Variants in SLC44A1 observed in about 807,000 individuals in gnomAD.
SLC44A1 encodes the protein solute carrier family 44 member 1, also known as choline transporter-like protein 1.
Under a neutral mutation model 79.3 loss-of-function variants are expected in SLC44A1, and 26 were observed. The observed-to-expected ratio is 0.33, with a 90% confidence interval of 0.24 to 0.46. The LOEUF (loss-of-function observed/expected upper bound fraction) is 0.46, where lower values mean the gene tolerates loss of function less well. Among genes scored for constraint, SLC44A1 ranks in the 20% least tolerant of loss-of-function variants. The pLI is 1.00. For missense variants in SLC44A1, 688 were observed against 798.1 expected, an observed-to-expected ratio of 0.86 and a Z score of 1.66; for synonymous variants, 263 against 286.2, an observed-to-expected ratio of 0.92 and a Z score of 0.82.
At chr9:105,280,600 T>C (rs1318600285) in intron 1 of SLC44A1, among the ~76,000 whole-genome samples, 2 of 152,188 alleles carry the variant, frequency 1.3e-5, no homozygotes, top group Admixed American at 1.3e-4. Context: ...CAGGTATTAA[T>C]AGAAGAAAAC....
rs1468458059 is a variant in SLC44A1, at chr9:105,351,638, GAAAGAA to G, written c.500+3189_500+3194del. Among the ~76,000 whole-genome samples, 39 of 141,764 alleles carry G rather than the reference GAAAGAA, an allele frequency of 2.8e-4. 1 individual carries two copies. Among genetic ancestry groups the G allele is most frequent in the African/African-American group, 1.1e-3 (39 of 35,818 alleles). 93.0% of individuals were successfully genotyped at this position (141,764 alleles called of 152,430 possible). ...AGAAAGAAAGAGAGAGAAAGAGAAA[GAAAGAA>G]AGAAAGAAAGAAAGAAAGAAAGAAA... On this transcript the variant is annotated intron_variant, in intron 5 of 15. Transcript: ENST00000374720.
At chr9:105,295,402 A>C (rs1481979909) in intron 1 of SLC44A1, among the ~76,000 whole-genome samples, 1 of 152,232 alleles carries the variant, frequency 6.6e-6, no homozygotes, top group African/African-American at 2.4e-5. Context: ...GGAATCTGAG[A>C]AAGGGGTAAA....
chr9:105,324,903 G>A lies in SLC44A1; in HGVS notation c.270-10660G>A, dbSNP rs186801667. On this transcript the variant is annotated intron_variant, in intron 3 of 15. Coordinates refer to ENST00000374720, the MANE Select transcript of SLC44A1 (RefSeq NM_080546.5). ...TGGAGCCCTCATACGTTGCTGCTGGGAATGTAAAATATGATAGCTGCTCTT... is the reference window on the plus strand; with the variant it reads ...TGGAGCCCTCATACGTTGCTGCTGGAAATGTAAAATATGATAGCTGCTCTT... Among the ~76,000 whole-genome samples the A allele has an allele frequency of 7.9e-5, 12 of 152,314 alleles. No homozygotes were observed. In the East Asian group the frequency reaches 1.7e-3, roughly 22 times the overall value.
At chr9:105,277,347 T>C (rs1347195637) in intron 1 of SLC44A1, among the ~76,000 whole-genome samples, 1 of 152,238 alleles carries the variant, frequency 6.6e-6, no homozygotes, top group South Asian at 2.1e-4. Context: ...CTCTCTTTAC[T>C]GCAGTTACTC....
At position 105,303,527 on chromosome 9, in the gene SLC44A1, C is replaced by T. The variant is rs532919060; in HGVS notation, c.126+4218C>T. ...TGCTTACTATGAGCTAGACACTGTT[C>T]TTAGCACTTGACATATAGAAACTCA... On this transcript the variant is annotated intron_variant, in intron 2 of 15. Coordinates refer to ENST00000374720, the MANE Select transcript of SLC44A1 (RefSeq NM_080546.5). Among the ~76,000 whole-genome samples, 6 of 152,292 alleles carry T rather than the reference C, an allele frequency of 3.9e-5. No homozygotes were observed. In the South Asian group the frequency reaches 1.2e-3, roughly 32 times the overall value.
chr9:105,375,008 A>T (rs1038382670), intron 13 of SLC44A1, among the ~76,000 whole-genome samples: 1 of 152,078 alleles, frequency 6.6e-6, no homozygotes, highest in Non-Finnish European at 1.5e-5. Flanking sequence ...TCATGTGCCT[A>T]TGTTTCTCTT....
downstream of SLC44A1, among the ~76,000 whole-genome samples, chr9:105,400,993 A>C (rs147397213): frequency 0.013 from 2,037 of 152,316 alleles, 18 homozygotes; most frequent in Non-Finnish European, 0.022. Flanking sequence ...CCTTGTTAGC[A>C]CAACCTCCTG....
chr9:105,338,574 C>T (rs911968668), intron 4 of SLC44A1, among the ~76,000 whole-genome samples: 2 of 151,962 alleles, frequency 1.3e-5, no homozygotes, highest in Admixed American at 6.6e-5. Context: ...GTCACCATGC[C>T]CAGATAATTT....
At chr9:105,276,076 G>A (rs1830193973) in intron 1 of SLC44A1, among the ~76,000 whole-genome samples, 1 of 152,086 alleles carries the variant, frequency 6.6e-6, no homozygotes, top group African/African-American at 2.4e-5. Flanking sequence ...AAAGTGCTGG[G>A]ATTACAGGTG....
chr9:105,420,754 G>T (rs938227313), intron 15 of SLC44A1, among the ~76,000 whole-genome samples: 1 of 151,428 alleles, frequency 6.6e-6, no homozygotes, highest in Non-Finnish European at 1.5e-5. Flanking sequence ...ACAGCTACTC[G>T]GGAGGCTAAG....
chr9:105,424,346 T>C (rs533998555), intron 15 of SLC44A1, among the ~76,000 whole-genome samples: 9 of 152,184 alleles, frequency 5.9e-5, no homozygotes, highest in Non-Finnish European at 1.2e-4. Flanking sequence ...CTGGCTGTGA[T>C]TGTAGCAGGA....
At chr9:105,434,171 C>G (rs1829434826) in intron 15 of SLC44A1, among the ~76,000 whole-genome samples, 1 of 152,064 alleles carries the variant, frequency 6.6e-6, no homozygotes, top group Admixed American at 6.6e-5. Flanking sequence ...AACCCCGTCT[C>G]TGTTAAATAA....
At chr9:105,278,265 A>C (rs1250573353) in intron 1 of SLC44A1, among the ~76,000 whole-genome samples, 1 of 147,910 alleles carries the variant, frequency 6.8e-6, no homozygotes, top group Admixed American at 6.7e-5. Context: ...TTATTTATTT[A>C]TGAGATGTAG....
chr9:105,304,944 GTTTTTTTTTTTTTTTTT>G (rs10589897), intron 2 of SLC44A1, among the ~76,000 whole-genome samples: 2,574 of 20,090 alleles, frequency 0.13, 165 homozygotes, highest in South Asian at 0.28. Flanking sequence ...ACTTTCTATC[GTTTTTTTTTTTTTTTTT>G]TTTTTTTTTT....
chr9:105,362,837 T>C lies in SLC44A1; in HGVS notation c.917T>C (p.Ile306Thr). The C allele has an allele frequency of 6.2e-7, 1 of 1,604,908 alleles. No individual in the cohort carries two copies. The highest frequency in any genetic ancestry group is 2.2e-5 in the East Asian group (1 of 44,604). ...ATVFTVILFL[I>T]MLVMRKRVAL... ...TCCATACAGGTGATCTTATTCCTGA[T>C]AATGTTGGTTATGCGCAAACGTGTT... Residue 306 changes from isoleucine (I) to threonine (T), a missense_variant, in exon 9 of 16, where the codon ATA (isoleucine) becomes ACA (threonine). Ile to Thr is a moderately conservative substitution (Grantham distance 89). Coordinates refer to ENST00000374720, the MANE Select transcript of SLC44A1 (RefSeq NM_080546.5).
intron 3 of SLC44A1, among the ~76,000 whole-genome samples, chr9:105,318,898 G>C (rs1235646167): frequency 1.3e-5 from 2 of 152,128 alleles, no homozygotes; most frequent in Non-Finnish European, 2.9e-5. Context: ...TGTTTGCCAT[G>C]TCTAAGTTAA....
intron 15 of SLC44A1, among the ~76,000 whole-genome samples, chr9:105,429,166 C>T (rs550289559): frequency 2.0e-5 from 3 of 152,196 alleles, no homozygotes; most frequent in African/African-American, 7.2e-5. Context: ...GTAAGTGATA[C>T]GCTTCCACAT....
chr9:105,382,313 A>T (rs1171670977), intron 13 of SLC44A1, among the ~76,000 whole-genome samples: 2 of 152,182 alleles, frequency 1.3e-5, no homozygotes, highest in African/African-American at 2.4e-5. Flanking sequence ...AAACCACAAA[A>T]AATTTAAAAT....
intron 1 of SLC44A1, among the ~76,000 whole-genome samples, chr9:105,290,743 A>G (rs902574543): frequency 5.3e-5 from 8 of 152,244 alleles, no homozygotes; most frequent in African/African-American, 1.7e-4. Context: ...CTATCACTAT[A>G]TAAATACCTA....
Sources: allele counts gnomAD v4.1 joint callset (sites outside exome capture counted in the v4.1 genomes callset), GRCh38; gene constraint gnomAD v4.1.1; transcripts MANE v1.5; gene names NCBI Gene and HGNC (gene_info 2026-07-23, HGNC 2026-07-21).